DIS3L2: variants seen among roughly 807,000 people sequenced by gnomAD.
DIS3L2 encodes DIS3-like exonuclease 2.
Under a neutral mutation model 97.5 loss-of-function variants are expected in DIS3L2, and 34 were observed. The ratio of observed to expected loss-of-function variants is 0.35; its 90% CI spans 0.27 to 0.46. The LOEUF (loss-of-function observed/expected upper bound fraction) is 0.46. DIS3L2 is among the 20% of genes least tolerant of loss of function. The probability of loss-of-function intolerance (pLI) is 1.00; values close to 1 mark genes in which losing one functional copy is unlikely to be tolerated. For synonymous variants in DIS3L2, 435 were observed against 445.2 expected (o/e 0.98, Z 0.29); for missense variants, 1,038 against 1,146.0 (o/e 0.91, Z 1.36).
chr2:232,335,727 A>G (rs764767637), intron 19 of DIS3L2, 46 bp from the exon 20 acceptor site: 1 of 1,537,648 alleles, frequency 6.5e-7, no homozygotes. Context: ...AAGGGCAGGC[A>G]GCAGCATCCA....
chr2:232,137,048 C>A (rs1189883315), intron 8 of DIS3L2, among the ~76,000 whole-genome samples: 1 of 152,174 alleles, frequency 6.6e-6, no homozygotes, highest in Non-Finnish European at 1.5e-5. Flanking sequence ...ACAACCAGTC[C>A]TCTCCTTGCA....
chr2:232,215,371 G>T (rs751949682), intron 10 of DIS3L2, among the ~76,000 whole-genome samples: 1 of 152,190 alleles, frequency 6.6e-6, no homozygotes, highest in Non-Finnish European at 1.5e-5. Flanking sequence ...AGAAGGGTCT[G>T]TCCCACTATC....
In DIS3L2 at chr2:232,292,902, T is replaced by C. The variant is rs931246954; in HGVS notation, c.1660-7138T>C. 1.3e-5 allele frequency among the ~76,000 whole-genome samples: 2 copies of C among 152,132 alleles called. No individual in the cohort carries two copies. Among genetic ancestry groups the C allele is most frequent in the African/African-American group, 4.8e-5 (2 of 41,426 alleles). ...ACTCAATACCAGGACCGTTGTGCAG[T>C]TGGAAACTGTCCACCCAGGGAAGCC... On this transcript the variant is annotated intron_variant, in intron 13 of 20. Coordinates refer to ENST00000325385, the MANE Select transcript of DIS3L2 (RefSeq NM_152383.5). The surrounding 1 kb of genome is among the most constrained non-coding windows in gnomAD (Gnocchi z 4.4).
At chr2:232,153,766 A>T (rs1023422206) in intron 8 of DIS3L2, among the ~76,000 whole-genome samples, 18 of 151,202 alleles carry the variant, frequency 1.2e-4, no homozygotes, top group African/African-American at 4.4e-4. Flanking sequence ...AGATTGGGGA[A>T]GTTCTCCTGG....
rs577354317 is a variant in DIS3L2 at position 232,115,681 on chromosome 2, C to G, written c.602-14938C>G. Among the ~76,000 whole-genome samples, 6 of 152,264 alleles carry G rather than the reference C, an allele frequency of 3.9e-5. No homozygotes were observed. In the East Asian group the frequency reaches 1.2e-3, roughly 29 times the overall value. ...GATAGTGAGTGAGTTCTCACAAGAT[C>G]TGATGATTCTATAAGTGGAAGTTCC... is the stretch of plus-strand genomic sequence containing the variant. On this transcript the variant is annotated intron_variant, in intron 6 of 20. Coordinates refer to ENST00000325385, the MANE Select transcript of DIS3L2 (RefSeq NM_152383.5).
rs934304024 is a variant in DIS3L2 at position 232,014,844 on chromosome 2, A to G, written c.-84A>G. The G allele has an allele frequency of 1.3e-5, 19 of 1,467,192 alleles. No homozygotes were observed. Among genetic ancestry groups the G allele is most frequent in the East Asian group, 4.6e-5 (2 of 43,690 alleles). 90.9% of individuals were successfully genotyped at this position (1,467,192 alleles called of 1,614,324 possible). ...CTCTTCTTGGTTTCAGCGAATGACA[A>G]CAGAGCTGCTCAAGGCGGGAACTCT... is the stretch of plus-strand genomic sequence containing the variant. On this transcript the variant is annotated 5_prime_UTR_variant, in exon 2 of 21. Coordinates refer to ENST00000325385, the MANE Select transcript of DIS3L2 (RefSeq NM_152383.5).
At chr2:232,112,800 CA>C (rs772892944) in intron 6 of DIS3L2, among the ~76,000 whole-genome samples, 1 of 151,098 alleles carries the variant, frequency 6.6e-6, no homozygotes, top group Non-Finnish European at 1.5e-5. Flanking sequence ...GGAAGGGGGA[CA>C]AGGTAAAAGG....
At chr2:232,111,091 C>A in intron 6 of DIS3L2, 1 of 388,480 alleles carries the variant, frequency 2.6e-6, no homozygotes, top group Middle Eastern at 5.9e-4. Context: ...ACTAAAAATA[C>A]TTCAAAATGT....
At chr2:232,010,209 T>A (rs1694158233) in intron 1 of DIS3L2, among the ~76,000 whole-genome samples, 1 of 152,210 alleles carries the variant, frequency 6.6e-6, no homozygotes. Context: ...ATTGTTGCTT[T>A]AGGGGTTAAT....
intron 9 of DIS3L2, among the ~76,000 whole-genome samples, chr2:232,203,184 A>C (rs1314767978): frequency 4.6e-5 from 7 of 152,156 alleles, no homozygotes; most frequent in Admixed American, 4.6e-4. Flanking sequence ...TTCTTTATCC[A>C]CTTAAGGTTA....
intron 1 of DIS3L2, among the ~76,000 whole-genome samples, chr2:231,967,803 T>C (rs1692765920): frequency 6.6e-6 from 1 of 152,324 alleles, no homozygotes; most frequent in South Asian, 2.1e-4. Context: ...ATATGTCTTA[T>C]TAACAAAAAA....
intron 12 of DIS3L2, among the ~76,000 whole-genome samples, chr2:232,257,146 C>T (rs796885982): frequency 3.3e-5 from 5 of 152,264 alleles, no homozygotes; most frequent in African/African-American, 1.2e-4. Context: ...GATATTCATG[C>T]CTTAATCTTA....
At chr2:232,270,908 C>CTCTCTCTCTGTCTTG (rs1553542501) in intron 13 of DIS3L2, among the ~76,000 whole-genome samples, 17 of 130,636 alleles carry the variant, frequency 1.3e-4, no homozygotes, top group African/African-American at 4.3e-4. Flanking sequence ...CTCTCTCTCT[C>CTCTCTCTCTGTCTTG]TCTCTCTGTC....
Position 232,037,746 on chromosome 2 carries a change from C to T in DIS3L2, c.366+7666C>T, listed in dbSNP as rs1694990955. On this transcript the variant is annotated intron_variant, in intron 5 of 20. Transcript: ENST00000325385. This position sits in a 1 kb window ranked among gnomAD's most constrained non-coding sequence, Gnocchi z 4.6. ...AATATCTGGGCCAGAGTGCAATGTT[C>T]CTCACAGCACAGTCCCTCATGGCTT... Among the ~76,000 whole-genome samples, 10 of 152,180 alleles carry T rather than the reference C, an allele frequency of 6.6e-5. No individual in the cohort carries two copies. In the South Asian group the frequency reaches 1.7e-3, roughly 25 times the overall value.
intron 6 of DIS3L2, among the ~76,000 whole-genome samples, chr2:232,102,237 A>G (rs902798544): frequency 2.6e-5 from 4 of 152,246 alleles, no homozygotes; most frequent in Non-Finnish European, 4.4e-5. Flanking sequence ...GAGAAATAAT[A>G]AGATTAAATC....
At chr2:232,101,794 C>T (rs751886635) in intron 6 of DIS3L2, among the ~76,000 whole-genome samples, 9 of 152,250 alleles carry the variant, frequency 5.9e-5, no homozygotes, top group African/African-American at 1.4e-4. Context: ...CTATTACATT[C>T]TTTCTCCCCT....
chr2:232,001,190 C>T (rs1693891574), intron 1 of DIS3L2, among the ~76,000 whole-genome samples: 1 of 152,174 alleles, frequency 6.6e-6, no homozygotes, highest in Admixed American at 6.5e-5. Flanking sequence ...CAAGGGTTCT[C>T]TTGCTCCACA....
At chr2:232,010,452 A>G (rs940065613) in intron 1 of DIS3L2, among the ~76,000 whole-genome samples, 4 of 152,058 alleles carry the variant, frequency 2.6e-5, no homozygotes, top group African/African-American at 9.7e-5. Context: ...TAATCCATGT[A>G]CTTCTTACTG....
At chr2:232,343,573 T>A (rs753945077) in exon 14 of DIS3L2, 11 of 1,574,716 alleles carry the variant, frequency 7.0e-6, no homozygotes, top group Middle Eastern at 1.7e-4. Context: ...GTTGCAGATT[T>A]GAAGAAGCAT....
Sources: gnomAD v4.1 joint callset for allele counts (sites outside exome capture counted in the v4.1 genomes callset) on GRCh38, gnomAD v4.1.1 for gene constraint, Gnocchi (gnomAD v3.1) non-coding constraint, MANE v1.5 for transcripts, NCBI Gene and HGNC (gene_info 2026-07-23, HGNC 2026-07-21) for gene names.